The following PCDHA2 variants were observed in gnomAD, a reference collection of about 807,000 sequenced individuals.
PCDHA2 encodes the protein protocadherin alpha-2.
Under a neutral mutation model 66.0 loss-of-function variants are expected in PCDHA2, and 58 were observed. The observed-to-expected ratio is 0.88, with a 90% CI of 0.71 to 1.09. PCDHA2 has a LOEUF of 1.09. PCDHA2 is among the 50% of genes least tolerant of loss of function. PCDHA2 has a pLI of 0.00. For synonymous variants in PCDHA2, 634 were observed against 554.0 expected (o/e 1.14, Z -2.03); for missense variants, 1,267 against 1,242.3 (o/e 1.02, Z -0.30).
intron 1 of PCDHA2, among the ~76,000 whole-genome samples, chr5:140,941,202 C>CTTTCTTTCTTTCTTTCTTTCTTT (rs1554213921): frequency 9.0e-5 from 11 of 122,780 alleles, no homozygotes; most frequent in East Asian, 8.9e-4. Flanking sequence ...TTTCTTTCTT[C>CTTTCTTTCTTTCTTTCTTTCTTT]CTTTCTTTCT....
chr5:140,927,688 G>T (rs2084510856), intron 1 of PCDHA2: 1 of 1,613,944 alleles, frequency 6.2e-7, no homozygotes, highest in African/African-American at 1.3e-5. Flanking sequence ...AGGGTCCAAT[G>T]GGGAAGTCCA....
rs377069661 is a variant in PCDHA2 at position 140,915,905 on chromosome 5, G to A, written c.2389-63044G>A. ...AGCAAGTTCCCCCTGGCCCTGGGCA[G>A]GCCCAGAGATGCTACTTGGGAGTCA... On this transcript the variant is annotated intron_variant, in intron 1 of 3. Transcript: ENST00000526136. Among the ~76,000 whole-genome samples, 6 of 152,266 alleles carry A rather than the reference G, an allele frequency of 3.9e-5. No individual in the cohort carries two copies. In the East Asian group the frequency reaches 1.2e-3, roughly 29 times the overall value.
rs1581309045 is a variant in PCDHA2, at chr5:140,853,255, T to G, written c.2388+55903T>G. On this transcript the variant is annotated intron_variant, in intron 1 of 3. Transcript: ENST00000526136. Reference sequence around the variant, plus strand: ...GTCCTTCATATTAATCTCTATTCTCTCTCAGAGTACAAGCTCTCATCATAT... The same window carrying G: ...GTCCTTCATATTAATCTCTATTCTCGCTCAGAGTACAAGCTCTCATCATAT... 7 of 974,424 alleles carry G rather than the reference T, an allele frequency of 7.2e-6. 1 individual carries two copies. Among genetic ancestry groups the G allele is most frequent in the Non-Finnish European group, 8.7e-6 (7 of 807,532 alleles). The allele number at this position is 974,424 out of a possible 1,614,324, so 60.4% of individuals were successfully genotyped here. A position where few individuals can be genotyped will look rare whatever the true frequency, so the allele number is the denominator to read the frequency against.
chr5:140,968,949 T>C, intron 1 of PCDHA2: 1 of 1,614,180 alleles, frequency 6.2e-7, no homozygotes, highest in Non-Finnish European at 8.5e-7. Flanking sequence ...ATTTTGAGCA[T>C]CATCAAGTGC....
Position 140,853,516 on chromosome 5 carries a change from C to T in PCDHA2, c.2388+56164C>T, listed in dbSNP as rs546400632. On this transcript the variant is annotated intron_variant, in intron 1 of 3. Coordinates refer to ENST00000526136, the MANE Select transcript of PCDHA2 (RefSeq NM_018905.3). The stretch of plus-strand genomic sequence containing the variant: ...TTAGAATCATGAAACAATAATGAAG[C>T]TCCTCCTATGTCTCTTTTCAAGTTG... 3.7e-4 allele frequency: 362 copies of T among 976,264 alleles called. 18 individuals are homozygous for T. In the South Asian group the frequency reaches 0.015, roughly 41 times the overall value. The allele number at this position is 976,264 out of a possible 1,614,324, so 60.5% of individuals were successfully genotyped here.
At chr5:140,992,430 C>T (rs1356224402) in intron 3 of PCDHA2, among the ~76,000 whole-genome samples, 1 of 152,042 alleles carries the variant, frequency 6.6e-6, no homozygotes, top group Non-Finnish European at 1.5e-5. Flanking sequence ...GAATATTGTT[C>T]CAAGAGTTGG....
chr5:140,890,419 A>G (rs1168983784), intron 1 of PCDHA2, among the ~76,000 whole-genome samples: 4 of 152,212 alleles, frequency 2.6e-5, no homozygotes, highest in Non-Finnish European at 5.9e-5. Context: ...ATATTTATTT[A>G]GTTTATATTT....
chr5:140,869,297 G>T lies in PCDHA2; in HGVS notation c.2388+71945G>T. 3.7e-6 allele frequency: 6 copies of T among 1,613,580 alleles called. No homozygotes were observed. The highest frequency in any genetic ancestry group is 1.1e-5 in the South Asian group (1 of 91,050). On this transcript the variant is annotated intron_variant, in intron 1 of 3. Transcript: ENST00000526136. ...GCGGAGCTGGTGCAGCGCCTGTTCC[G>T]GGTGGCGTCCAAAACACATGGGGAC...
chr5:140,967,019 C>T (rs887648506), intron 1 of PCDHA2: 1 of 1,607,542 alleles, frequency 6.2e-7, no homozygotes, highest in Non-Finnish European at 8.5e-7. Flanking sequence ...TCTGGGTGCG[C>T]CCAGTCCGCG....
chr5:140,969,251 A>G, intron 1 of PCDHA2: 1 of 1,614,262 alleles, frequency 6.2e-7, no homozygotes, highest in South Asian at 1.1e-5. Flanking sequence ...AGTGACTGAC[A>G]GCAGGAATCT....
intron 1 of PCDHA2, chr5:140,834,304 A>C: frequency 7.6e-7 from 1 of 1,322,818 alleles, no homozygotes; most frequent in Non-Finnish European, 1.0e-6. Context: ...ACACATCGAG[A>C]TTGAAATGAA....
chr5:140,967,029 G>A, intron 1 of PCDHA2: 1 of 1,609,056 alleles, frequency 6.2e-7, no homozygotes, highest in Non-Finnish European at 8.5e-7. Flanking sequence ...CCCAGTCCGC[G>A]CTACCTGGAG....
intron 1 of PCDHA2, chr5:140,850,329 C>T: frequency 6.3e-7 from 1 of 1,597,650 alleles, no homozygotes; most frequent in Non-Finnish European, 8.6e-7. Context: ...ATACGAGCTG[C>T]AGCCAGAAAC....
chr5:140,882,877 G>A, intron 1 of PCDHA2: 1 of 1,614,208 alleles, frequency 6.2e-7, no homozygotes, highest in Non-Finnish European at 8.5e-7. Context: ...TGGACAGAGA[G>A]GAAATTCAGG....
chr5:140,942,511 CAG>C (rs574477918), intron 1 of PCDHA2, among the ~76,000 whole-genome samples: 21 of 151,458 alleles, frequency 1.4e-4, no homozygotes, highest in Non-Finnish European at 2.8e-4. Flanking sequence ...CTAGGAAACT[CAG>C]AGGGGAAGCA....
chr5:140,912,497 T>A (rs2075943539), intron 1 of PCDHA2, among the ~76,000 whole-genome samples: 1 of 152,174 alleles, frequency 6.6e-6, no homozygotes. Context: ...ATCTAGGAGC[T>A]TTTTGGATGA....
At position 140,850,402 on chromosome 5, in the gene PCDHA2, C is replaced by T. The variant is rs2150482432; in HGVS notation, c.2388+53050C>T. On this transcript the variant is annotated intron_variant, in intron 1 of 3. Coordinates refer to ENST00000526136, the MANE Select transcript of PCDHA2 (RefSeq NM_018905.3). ...ACGGGCGAGATCAGCACAACGCGTG[C>T]CCTGGACGAAACGGACGCACCGCGC... 60 of 1,597,956 alleles carry T rather than the reference C, an allele frequency of 3.8e-5. 2 individuals carry two copies. The East Asian group carries it at 1.1e-3, about 30-fold the overall frequency.
chr5:140,935,230 CTA>C (rs1363291872), intron 1 of PCDHA2, among the ~76,000 whole-genome samples: 2 of 152,128 alleles, frequency 1.3e-5, no homozygotes, highest in African/African-American at 4.8e-5. Context: ...TAAGGGATGT[CTA>C]TTTTTTAAAA....
intron 1 of PCDHA2, chr5:140,802,796 C>T (rs370006878): frequency 6.8e-6 from 11 of 1,613,430 alleles, no homozygotes; most frequent in Admixed American, 1.7e-5. Flanking sequence ...TGCTGCAGTT[C>T]CAGGTGAGTG....
Sources: gnomAD v4.1 joint callset for allele counts (sites outside exome capture counted in the v4.1 genomes callset) on GRCh38, gnomAD v4.1.1 for gene constraint, MANE v1.5 for transcripts, NCBI Gene and HGNC (gene_info 2026-07-23, HGNC 2026-07-21) for gene names.